Variants in NLRC5 observed in about 807,000 individuals in gnomAD.
NLRC5 encodes protein NLRC5.
NLRC5 carries 114 observed loss-of-function variants against 206.9 expected under a neutral mutation model. That is an observed-to-expected ratio of 0.55 (90% CI 0.47 to 0.64). The LOEUF is 0.64. NLRC5 is among the 30% of genes least tolerant of loss of function. NLRC5 has a pLI of 0.00. For synonymous variants in NLRC5, 952 were observed against 962.8 expected (o/e 0.99, Z 0.21); for missense variants, 2,008 against 2,305.5 (o/e 0.87, Z 2.64).
chr16:56,989,899 T>C (rs1461378422), intron 1 of NLRC5, among the ~76,000 whole-genome samples: 1 of 152,172 alleles, frequency 6.6e-6, no homozygotes, highest in Non-Finnish European at 1.5e-5. Context: ...GGGGACACAG[T>C]AAGCGGCTGT....
chr16:57,067,660 C>T (rs1346328390), intron 35 of NLRC5, 76 bp from the exon 36 acceptor site: 6 of 1,471,702 alleles, frequency 4.1e-6, no homozygotes, highest in African/African-American at 1.4e-5. Flanking sequence ...CCTCTCTTGG[C>T]ACCCCCTTCT....
chr16:57,061,472 A>G lies in NLRC5; in HGVS notation c.4011A>G (p.Pro1337=). The G allele has an allele frequency of 6.2e-7, 1 of 1,611,472 alleles. No homozygotes were observed. ...GGCTAAGTGAGTGCAGCTTCCGGCC[A>G]GAGCACGTGTCCAGGCTGGCCACCG... ...TLRLSECSFR[P]EHVSRLATGL... The change falls in exon 31 of 49, where the codon CCA becomes CCG. Residue 1337 remains proline (P), a synonymous_variant. Transcript: ENST00000688547.
At chr16:57,057,006 A>C (rs1192216379) in intron 27 of NLRC5, among the ~76,000 whole-genome samples, 1 of 152,224 alleles carries the variant, frequency 6.6e-6, no homozygotes, top group African/African-American at 2.4e-5. Context: ...TTCATAAGAC[A>C]GACCAATTTT....
chr16:57,034,479 G>T (rs2143097825), intron 13 of NLRC5: 2 of 537,660 alleles, frequency 3.7e-6, no homozygotes, highest in Middle Eastern at 4.9e-4. Flanking sequence ...ACATCTCTGT[G>T]ATGTAAGCAC....
chr16:57,035,660 G>A (rs1182545597), intron 13 of NLRC5, among the ~76,000 whole-genome samples: 1 of 152,144 alleles, frequency 6.6e-6, no homozygotes, highest in Non-Finnish European at 1.5e-5. Context: ...AGCCATCCCC[G>A]ACTCCCAGAC....
chr16:57,047,480 C>T, intron 22 of NLRC5, 65 bp from the exon 23 acceptor site: 2 of 1,413,698 alleles, frequency 1.4e-6, no homozygotes, highest in Non-Finnish European at 2.0e-6. Flanking sequence ...GGATAGAGCC[C>T]CTGGGGCTAG....
In NLRC5 at chr16:57,079,216, T is replaced by C; in HGVS notation, c.5166-5T>C. 1.2e-6 allele frequency: 2 copies of C among 1,614,010 alleles called. No homozygotes were observed. The highest frequency in any genetic ancestry group is 8.5e-7 in the Non-Finnish European group (1 of 1,180,018). On this transcript the variant is annotated splice_region_variant and splice_polypyrimidine_tract_variant and intron_variant, in intron 44 of 48. Coordinates refer to ENST00000688547, the MANE Select transcript of NLRC5 (RefSeq NM_001384950.1). The stretch of plus-strand genomic sequence containing the variant: ...CCTCTCACAGGTATCTCCCCTACCC[T>C]GCAGCTTGGCGGAAAACAACCTGGC...
At chr16:57,037,617 G>A (rs1473842940) in intron 15 of NLRC5, among the ~76,000 whole-genome samples, 8 of 152,136 alleles carry the variant, frequency 5.3e-5, no homozygotes, top group African/African-American at 1.9e-4. Flanking sequence ...AAAGCTCCCT[G>A]GGAGACTAGG....
intron 1 of NLRC5, among the ~76,000 whole-genome samples, chr16:57,002,635 GTTTTTTTTTGTT>G (rs1488330526): frequency 3.0e-5 from 3 of 99,608 alleles, no homozygotes; most frequent in African/African-American, 4.1e-5. Flanking sequence ...ATTTAGTTTA[GTTTTTTTTTGTT>G]TTTTTTTTTT....
At chr16:57,059,409 G>A in intron 29 of NLRC5, 58 bp from the exon 30 acceptor site, 1 of 1,560,326 alleles carries the variant, frequency 6.4e-7, no homozygotes, top group Non-Finnish European at 8.7e-7. Flanking sequence ...GGTGCCCTAG[G>A]TGCCTAGGAA....
chr16:57,055,325 T>G, intron 26 of NLRC5, 108 bp from the exon 27 acceptor site: 1 of 1,084,174 alleles, frequency 9.2e-7, no homozygotes, highest in South Asian at 1.4e-5. Flanking sequence ...CAAGCTTGAG[T>G]GGAGACCCAC....
At chr16:57,081,955 GCAGCTATAAT>G (rs1264193707) in intron 48 of NLRC5, among the ~76,000 whole-genome samples, 1 of 152,222 alleles carries the variant, frequency 6.6e-6, no homozygotes, top group Admixed American at 6.5e-5. Context: ...ACTTAAAATG[GCAGCTATAAT>G]CAGAGCCATC....
intron 12 of NLRC5, 116 bp downstream of exon 12, chr16:57,033,785 G>C: frequency 1.0e-6 from 1 of 968,916 alleles, no homozygotes. Flanking sequence ...GACAGGGAAA[G>C]GATTAGCCGG....
chr16:56,996,210 C>T (rs1315158884), intron 1 of NLRC5, among the ~76,000 whole-genome samples: 3 of 152,070 alleles, frequency 2.0e-5, no homozygotes, highest in African/African-American at 7.3e-5. Context: ...ACTCTGTCAC[C>T]CAGGCTGGAG....
intron 34 of NLRC5, 72 bp from the exon 35 acceptor site, chr16:57,067,314 CT>C (rs2067180128): frequency 8.2e-7 from 1 of 1,222,502 alleles, no homozygotes; most frequent in Admixed American, 1.7e-5. Flanking sequence ...CCATAAGCTC[CT>C]TGCAGGCAGA....
At chr16:57,037,136 T>C (rs2062687048) in intron 14 of NLRC5, 59 bp from the exon 15 acceptor site, 1 of 1,396,596 alleles carries the variant, frequency 7.2e-7, no homozygotes, top group African/African-American at 1.4e-5. Flanking sequence ...GGGCTAGAGC[T>C]GGCTGGGGCT....
rs199476018 is a variant in NLRC5, at chr16:57,079,496, C to T, written c.5238-50C>T. ...CTCTGGAGGCAGGACCTGCTAGATC[C>T]CCTGACTCAAACAACCCCCATCCCA... On this transcript the variant is annotated intron_variant, in intron 45 of 48. Coordinates refer to ENST00000688547, the MANE Select transcript of NLRC5 (RefSeq NM_001384950.1). The T allele has an allele frequency of 2.1e-4, 317 of 1,530,752 alleles. No homozygotes were observed. The East Asian group carries it at 3.6e-3, about 17-fold the overall frequency. 94.8% of individuals were successfully genotyped at this position (1,530,752 alleles called of 1,614,324 possible).
At chr16:57,068,712 TC>T (rs1441163475) in intron 36 of NLRC5, among the ~76,000 whole-genome samples, 3 of 152,234 alleles carry the variant, frequency 2.0e-5, no homozygotes, top group Non-Finnish European at 2.9e-5. Context: ...CAGTTTATAC[TC>T]CAATCTCACC....
chr16:57,051,264 C>T (rs1221979771), intron 23 of NLRC5, among the ~76,000 whole-genome samples: 1 of 152,226 alleles, frequency 6.6e-6, no homozygotes, highest in Non-Finnish European at 1.5e-5. Context: ...GCTGTAGCTC[C>T]TTGGAAATTC....
Sources: allele counts gnomAD v4.1 joint callset (sites outside exome capture counted in the v4.1 genomes callset), GRCh38; gene constraint gnomAD v4.1.1; transcripts MANE v1.5; gene names NCBI Gene and HGNC (gene_info 2026-07-23, HGNC 2026-07-21).